The following PABPC4L variants were observed in gnomAD, a reference collection of about 807,000 sequenced individuals.
The protein encoded by PABPC4L is poly(A) binding protein cytoplasmic 4 like, also known as polyadenylate-binding protein 4-like.
For missense variants in PABPC4L, 452 were observed against 451.4 expected (o/e 1.00, Z -0.01); for synonymous variants, 169 against 164.1 (o/e 1.03, Z -0.23).
the PABPC4L span, among the ~76,000 whole-genome samples, chr4:133,995,517 A>G: frequency 6.6e-6 from 1 of 152,112 alleles, no homozygotes; most frequent in Non-Finnish European, 1.5e-5. Flanking sequence ...CCTGGGTATG[A>G]CTAATTTGTC....
the PABPC4L span, among the ~76,000 whole-genome samples, chr4:134,103,178 A>C: frequency 6.6e-6 from 1 of 151,590 alleles, no homozygotes; most frequent in African/African-American, 2.4e-5. Context: ...TTCCATATTT[A>C]TATCCCTCAA....
the PABPC4L span, among the ~76,000 whole-genome samples, chr4:134,082,463 G>A: frequency 6.6e-6 from 1 of 152,118 alleles, no homozygotes; most frequent in Admixed American, 6.6e-5. Context: ...TGTTCTAACA[G>A]TTGAAGTATT....
At chr4:134,106,468 G>A in the PABPC4L span, among the ~76,000 whole-genome samples, 1 of 151,326 alleles carries the variant, frequency 6.6e-6, no homozygotes, top group Non-Finnish European at 1.5e-5. Flanking sequence ...AAAAATAGAA[G>A]TGTAAGAAGC....
chr4:134,062,153 T>C, the PABPC4L span, among the ~76,000 whole-genome samples: 2,306 of 151,938 alleles, frequency 0.015, 64 homozygotes, highest in African/African-American at 0.052. Flanking sequence ...GTTTTAAGCC[T>C]ACCCAGCACT....
At chr4:133,968,155 G>A in the PABPC4L span, among the ~76,000 whole-genome samples, 2 of 152,140 alleles carry the variant, frequency 1.3e-5, no homozygotes, top group Admixed American at 6.6e-5. Flanking sequence ...AAGACTAATG[G>A]CATAGGGAAC....
At chr4:134,120,504 C>T in the PABPC4L span, among the ~76,000 whole-genome samples, 1 of 150,188 alleles carries the variant, frequency 6.7e-6, no homozygotes, top group Non-Finnish European at 1.5e-5. Flanking sequence ...CCAAGATCCC[C>T]TTATTTATGC....
At chr4:134,116,106 A>AT in the PABPC4L span, among the ~76,000 whole-genome samples, 1 of 151,968 alleles carries the variant, frequency 6.6e-6, no homozygotes, top group African/African-American at 2.4e-5. Flanking sequence ...ATAAAGACAG[A>AT]AAGAACAATT....
the PABPC4L span, among the ~76,000 whole-genome samples, chr4:134,056,124 C>T: frequency 6.6e-6 from 1 of 151,838 alleles, no homozygotes; most frequent in Non-Finnish European, 1.5e-5. Flanking sequence ...ATCAGTTGGG[C>T]ATATTTATAT....
chr4:133,950,407 T>G, the PABPC4L span, among the ~76,000 whole-genome samples: 1 of 152,198 alleles, frequency 6.6e-6, no homozygotes, highest in Non-Finnish European at 1.5e-5. Context: ...CTCTAACTAC[T>G]GTTTTGTTTA....
At chr4:134,052,377 C>G in the PABPC4L span, among the ~76,000 whole-genome samples, 1 of 152,002 alleles carries the variant, frequency 6.6e-6, no homozygotes, top group African/African-American at 2.4e-5. Flanking sequence ...TTTATTTCCT[C>G]TCTCATATTT....
the PABPC4L span, among the ~76,000 whole-genome samples, chr4:134,066,781 G>C: frequency 6.6e-6 from 1 of 151,914 alleles, no homozygotes; most frequent in African/African-American, 2.4e-5. Flanking sequence ...AGCCTTTTTT[G>C]CATCTATTGA....
the PABPC4L span, among the ~76,000 whole-genome samples, chr4:134,067,908 G>T: frequency 6.6e-6 from 1 of 151,894 alleles, no homozygotes. Context: ...TATGAGTTTG[G>T]GTTGTTTGAA....
At chr4:133,984,993 A>C in the PABPC4L span, among the ~76,000 whole-genome samples, 2 of 152,030 alleles carry the variant, frequency 1.3e-5, no homozygotes, top group Non-Finnish European at 2.9e-5. Context: ...AAATAGAATT[A>C]TGGACATCTT....
chr4:133,996,531 G>C, the PABPC4L span, among the ~76,000 whole-genome samples: 1 of 152,098 alleles, frequency 6.6e-6, no homozygotes, highest in Non-Finnish European at 1.5e-5. Context: ...TGAACAAGTC[G>C]CTCAAACTTG....
the PABPC4L span, among the ~76,000 whole-genome samples, chr4:134,055,885 A>T: frequency 6.6e-6 from 1 of 151,996 alleles, no homozygotes; most frequent in Non-Finnish European, 1.5e-5. Context: ...AAGACTAAGT[A>T]CTCTGCCTAG....
the PABPC4L span, among the ~76,000 whole-genome samples, chr4:134,165,444 A>G: frequency 6.6e-6 from 1 of 152,166 alleles, no homozygotes; most frequent in Non-Finnish European, 1.5e-5. Context: ...CAACAATAAT[A>G]AAAATAATAA....
the PABPC4L span, among the ~76,000 whole-genome samples, chr4:134,141,767 G>C: frequency 7.2e-5 from 11 of 151,734 alleles, no homozygotes; most frequent in South Asian, 1.5e-3. Context: ...GAGATTGAGA[G>C]CCTTTCCTTT....
chr4:134,001,693 G>A, the PABPC4L span, among the ~76,000 whole-genome samples: 1 of 152,024 alleles, frequency 6.6e-6, no homozygotes, highest in Non-Finnish European at 1.5e-5. Flanking sequence ...TTTTATAAGT[G>A]AAGAAAACTT....
chr4:133,958,106 T>G, the PABPC4L span, among the ~76,000 whole-genome samples: 998 of 152,314 alleles, frequency 6.6e-3, 12 homozygotes, highest in Admixed American at 0.012. Context: ...AAAATAAGTT[T>G]TCCTTTTCTA....
Sources: gnomAD v4.1 joint callset for allele counts (sites outside exome capture counted in the v4.1 genomes callset) on GRCh38, gnomAD v4.1.1 for gene constraint, MANE v1.5 for transcripts, NCBI Gene and HGNC (gene_info 2026-07-23, HGNC 2026-07-21) for gene names.